The following BRAF variants were observed in gnomAD, a reference collection of about 807,000 sequenced individuals.
The protein encoded by BRAF is serine/threonine-protein kinase B-raf.
A neutral mutation model predicts 104.6 loss-of-function variants in BRAF; 16 were observed. The ratio of observed to expected loss-of-function variants is 0.15; its 90% CI spans 0.10 to 0.23. BRAF has a LOEUF of 0.23. Ranked by LOEUF, BRAF falls within the 10% of genes least tolerant of loss-of-function variation. The pLI is 1.00. For synonymous variants in BRAF, 310 were observed against 341.6 expected (o/e 0.91, Z 1.02); for missense variants, 541 against 937.3 (o/e 0.58, Z 5.52).
At chr7:140,921,606 T>C (rs1329768367) in intron 1 of BRAF, among the ~76,000 whole-genome samples, 3 of 152,090 alleles carry the variant, frequency 2.0e-5, no homozygotes, top group Non-Finnish European at 2.9e-5. Context: ...CAAAACTACA[T>C]AGTGTTATAA....
At chr7:140,810,255 G>A (rs1313251063) in intron 3 of BRAF, among the ~76,000 whole-genome samples, 1 of 151,770 alleles carries the variant, frequency 6.6e-6, no homozygotes, top group Admixed American at 6.6e-5. Context: ...AGGACGCAGA[G>A]GGTAGTGCAA....
intron 19 of BRAF, among the ~76,000 whole-genome samples, chr7:140,727,189 T>C (rs937320773): frequency 1.3e-5 from 2 of 151,582 alleles, no homozygotes; most frequent in African/African-American, 2.4e-5. Context: ...TTTTTTCTTT[T>C]TTTTTTTTTT....
rs574668371 is a variant in BRAF at position 140,873,880 on chromosome 7, T to C, written c.139-23668A>G. Among the ~76,000 whole-genome samples, 98 of 152,300 alleles carry C rather than the reference T, an allele frequency of 6.4e-4. 1 individual carries two copies. In the South Asian group the frequency reaches 0.02, roughly 31 times the overall value. On this transcript the variant is annotated intron_variant, in intron 1 of 19. Transcript: ENST00000644969. ...CACAAAGAAAGAATAGAAACCTTAC[T>C]GGCCTTGAAATATTTGAACAAAACC...
intron 1 of BRAF, among the ~76,000 whole-genome samples, chr7:140,852,506 G>A (rs925839624): frequency 6.6e-6 from 1 of 152,024 alleles, no homozygotes; most frequent in Non-Finnish European, 1.5e-5. Flanking sequence ...ATTAAAGTCT[G>A]AGAAGCAGTG....
chr7:140,763,479 C>A (rs1387555258), intron 14 of BRAF, among the ~76,000 whole-genome samples: 1 of 152,338 alleles, frequency 6.6e-6, no homozygotes, highest in Admixed American at 6.5e-5. Context: ...CCCCCACCTC[C>A]TTCCCGGACG....
At chr7:140,911,542 G>C (rs1427314630) in intron 1 of BRAF, among the ~76,000 whole-genome samples, 1 of 152,188 alleles carries the variant, frequency 6.6e-6, no homozygotes, top group Non-Finnish European at 1.5e-5. Context: ...TTGGAAAGAG[G>C]TTAAGAAAAG....
chr7:140,740,491 C>T (rs1433614419), intron 17 of BRAF: 3 of 152,340 alleles, frequency 2.0e-5, no homozygotes, highest in Middle Eastern at 3.4e-3. Flanking sequence ...GAGCTAAAAT[C>T]TGTTTAACGA....
intron 7 of BRAF, among the ~76,000 whole-genome samples, chr7:140,796,451 G>A (rs930688462): frequency 1.3e-5 from 2 of 152,014 alleles, no homozygotes; most frequent in African/African-American, 4.8e-5. Flanking sequence ...AGAGATGGCA[G>A]TAAGTCACTT....
chr7:140,818,768 A>C (rs1805160364), intron 3 of BRAF, among the ~76,000 whole-genome samples: 1 of 152,244 alleles, frequency 6.6e-6, no homozygotes, highest in Non-Finnish European at 1.5e-5. Context: ...GTTTTCATTT[A>C]GTGATGTAAA....
At chr7:140,890,128 A>G (rs1814054248) in intron 1 of BRAF, among the ~76,000 whole-genome samples, 1 of 152,230 alleles carries the variant, frequency 6.6e-6, no homozygotes, top group African/African-American at 2.4e-5. Flanking sequence ...GTTTCTTGAC[A>G]CAGCCCTATT....
chr7:140,772,202 AG>A (rs1799910630), intron 14 of BRAF, among the ~76,000 whole-genome samples: 1 of 152,184 alleles, frequency 6.6e-6, no homozygotes, highest in African/African-American at 2.4e-5. Context: ...TTGAAGAACC[AG>A]TTCATGACCC....
downstream of BRAF, among the ~76,000 whole-genome samples, chr7:140,718,514 T>C (rs1210794677): frequency 6.7e-6 from 1 of 150,312 alleles, no homozygotes; most frequent in Non-Finnish European, 1.5e-5. Flanking sequence ...CCTCCCAAAG[T>C]GCTGGGATTA....
intron 15 of BRAF, chr7:140,753,764 T>C (rs1284391183): frequency 1.3e-5 from 4 of 305,992 alleles, no homozygotes; most frequent in Admixed American, 4.8e-5. Flanking sequence ...ATGCTGCAGA[T>C]AGTATCTTAG....
intron 13 of BRAF, among the ~76,000 whole-genome samples, chr7:140,777,776 G>T (rs1171358199): frequency 6.6e-6 from 1 of 151,998 alleles, no homozygotes; most frequent in Non-Finnish European, 1.5e-5. Flanking sequence ...CATTAATTCA[G>T]TCTAGGACTA....
intron 2 of BRAF, among the ~76,000 whole-genome samples, chr7:140,843,824 T>C (rs1440084920): frequency 6.6e-6 from 1 of 151,870 alleles, no homozygotes; most frequent in Non-Finnish European, 1.5e-5. Context: ...GCTAACACGG[T>C]GAAACCCAGT....
Position 140,720,442 on chromosome 7 carries a change from C to G in BRAF, c.*6052G>C. 1.9e-6 allele frequency: 2 copies of G among 1,062,530 alleles called. No individual in the cohort carries two copies. Among genetic ancestry groups the G allele is most frequent in the African/African-American group, 3.3e-5 (2 of 60,990 alleles). The allele number at this position is 1,062,530 out of a possible 1,614,324, so 65.8% of individuals were successfully genotyped here. A position where few individuals can be genotyped will look rare whatever the true frequency, so the allele number is the denominator to read the frequency against. On this transcript the variant is annotated 3_prime_UTR_variant, in exon 20 of 20. Transcript: ENST00000644969. The stretch of plus-strand genomic sequence containing the variant: ...ATAAGACATAAAGGCTAGCCACTTA[C>G]GTTGGTCATTAACATGAATAAAAAG...
intron 8 of BRAF, among the ~76,000 whole-genome samples, chr7:140,793,306 C>T (rs1216074104): frequency 6.6e-6 from 1 of 152,116 alleles, no homozygotes; most frequent in Non-Finnish European, 1.5e-5. Context: ...TTTCTTATAT[C>T]ACATTCTCCT....
rs2130900196 is a variant in BRAF at position 140,739,892 on chromosome 7, T to C, written c.2167A>G (p.Ser723Gly). 1 of 1,613,814 alleles carries C rather than the reference T, an allele frequency of 6.2e-7. No individual in the cohort carries two copies. Among genetic ancestry groups the C allele is most frequent in the Non-Finnish European group, 8.5e-7 (1 of 1,179,932 alleles). ...CTCTTCATGGCTTTTGGACAGTTAC[T>C]CCGTACCTTACTGAGATCTGGAGAC... ...YLSPDLSKVR[S>G]NCPKAMKRLM... The change falls in exon 18 of 20, where the codon AGT becomes GGT. Residue 723 changes from serine to glycine, a missense_variant. By Grantham distance (56) the Ser-to-Gly change is moderately conservative. This residue lies in a region of BRAF where 129 missense variants were observed against 285.8 expected (regional missense o/e 0.45). Transcript: ENST00000644969.
intron 2 of BRAF, among the ~76,000 whole-genome samples, chr7:140,843,561 T>A (rs1808218477): frequency 6.6e-6 from 1 of 152,222 alleles, no homozygotes; most frequent in Non-Finnish European, 1.5e-5. Context: ...TTTTCTCATG[T>A]TTCCTCTAAA....
Sources: allele counts gnomAD v4.1 joint callset (sites outside exome capture counted in the v4.1 genomes callset), GRCh38; gene constraint gnomAD v4.1.1; regional missense constraint gnomAD v4.1.1; transcripts MANE v1.5; gene names NCBI Gene and HGNC (gene_info 2026-07-23, HGNC 2026-07-21).